CA10: variants seen among roughly 807,000 people sequenced by gnomAD.
The protein encoded by CA10 is carbonic anhydrase 10 (inactive), also known as carbonic anhydrase-related protein 10.
CA10 carries 14 observed loss-of-function variants against 44.2 expected under a neutral mutation model. The ratio of observed to expected loss-of-function variants is 0.32; its 90% CI spans 0.21 to 0.50. The LOEUF is 0.50. CA10 is among the 20% of genes least tolerant of loss of function. CA10 has a pLI of 0.99. For missense variants in CA10, 350 were observed against 409.7 expected, an observed-to-expected ratio of 0.85 and a Z score of 1.26; for synonymous variants, 159 against 141.6, an observed-to-expected ratio of 1.12 and a Z score of -0.87.
chr17:52,155,622 G>A (rs1166246028), intron 1 of CA10, among the ~76,000 whole-genome samples: 1 of 152,166 alleles, frequency 6.6e-6, no homozygotes. Context: ...GCCTTTTAAA[G>A]TTTATGGATG....
chr17:51,909,463 C>T (rs985212918), intron 3 of CA10, among the ~76,000 whole-genome samples: 27 of 152,156 alleles, frequency 1.8e-4, no homozygotes, highest in South Asian at 2.1e-4. Flanking sequence ...AGCTCAGTGT[C>T]CTCTGCTCTT....
chr17:52,060,690 G>A (rs1466875534), intron 2 of CA10, among the ~76,000 whole-genome samples: 1 of 152,116 alleles, frequency 6.6e-6, no homozygotes, highest in Non-Finnish European at 1.5e-5. Flanking sequence ...GATTAATCTG[G>A]CATATAGCCT....
At chr17:51,764,635 G>A (rs1215829775) in intron 3 of CA10, among the ~76,000 whole-genome samples, 2 of 152,176 alleles carry the variant, frequency 1.3e-5, no homozygotes, top group Non-Finnish European at 2.9e-5. Context: ...GTTGTAGGAA[G>A]CTGGCCTATG....
chr17:51,995,946 T>C (rs547797316), intron 2 of CA10, among the ~76,000 whole-genome samples: 91 of 152,168 alleles, frequency 6.0e-4, no homozygotes, highest in African/African-American at 2.0e-3. Context: ...TCATTCTCTC[T>C]GGAGTCTTCA....
intron 3 of CA10, among the ~76,000 whole-genome samples, chr17:51,750,484 A>T (rs1232239426): frequency 6.9e-6 from 1 of 144,160 alleles, no homozygotes; most frequent in Non-Finnish European, 1.5e-5. Flanking sequence ...TGATTGTTGA[A>T]TCTTTACAGC....
At chr17:51,839,319 C>A (rs1287052825) in intron 3 of CA10, among the ~76,000 whole-genome samples, 1 of 151,604 alleles carries the variant, frequency 6.6e-6, no homozygotes, top group Admixed American at 6.6e-5. Flanking sequence ...GGTGAAACCC[C>A]GTCTCTACTT....
At chr17:51,804,656 C>T (rs887586274) in intron 3 of CA10, among the ~76,000 whole-genome samples, 1 of 152,164 alleles carries the variant, frequency 6.6e-6, no homozygotes, top group Non-Finnish European at 1.5e-5. Flanking sequence ...CCAAAGAGAA[C>T]AAATGAATGT....
chr17:51,897,581 G>GT (rs1320244376), intron 3 of CA10, among the ~76,000 whole-genome samples: 2 of 152,032 alleles, frequency 1.3e-5, no homozygotes, highest in African/African-American at 2.4e-5. Context: ...TTTTAAAATG[G>GT]TTTTTTCTAA....
intron 1 of CA10, among the ~76,000 whole-genome samples, chr17:52,109,540 T>C (rs1598219445): frequency 6.6e-6 from 1 of 152,314 alleles, no homozygotes; most frequent in East Asian, 1.9e-4. Context: ...ATTTCCTGGT[T>C]GGGGAATAAA....
At chr17:51,988,462 G>A (rs2040299854) in intron 2 of CA10, among the ~76,000 whole-genome samples, 1 of 151,938 alleles carries the variant, frequency 6.6e-6, no homozygotes, top group African/African-American at 2.4e-5. Flanking sequence ...TAGATGTTGA[G>A]TACCTATAAA....
At chr17:51,886,588 T>G (rs936730528) in intron 3 of CA10, among the ~76,000 whole-genome samples, 5 of 152,186 alleles carry the variant, frequency 3.3e-5, no homozygotes, top group Non-Finnish European at 7.3e-5. Flanking sequence ...GGTCAGCCAT[T>G]GTGTTGGTTA....
chr17:52,092,556 A>G (rs1005152615), intron 1 of CA10, among the ~76,000 whole-genome samples: 2 of 152,064 alleles, frequency 1.3e-5, no homozygotes, highest in Non-Finnish European at 2.9e-5. Context: ...TTCCTAATCC[A>G]TGGGCTGGGA....
At chr17:51,746,015 C>T in intron 4 of CA10, among the ~76,000 whole-genome samples, 1 of 152,214 alleles carries the variant, frequency 6.6e-6, no homozygotes, top group East Asian at 1.9e-4. Context: ...TTGTTGTACT[C>T]TAGTTCAGAA....
intron 2 of CA10, among the ~76,000 whole-genome samples, chr17:51,975,676 C>A (rs1984437964): frequency 6.6e-6 from 1 of 152,016 alleles, no homozygotes; most frequent in Non-Finnish European, 1.5e-5. Context: ...GAGACTGTCT[C>A]AAAAACAAAT....
intron 2 of CA10, among the ~76,000 whole-genome samples, chr17:52,044,833 T>TATC (rs1395212056): frequency 6.6e-6 from 1 of 151,012 alleles, no homozygotes; most frequent in Non-Finnish European, 1.5e-5. Flanking sequence ...TGTGAAACAC[T>TATC]ATCAAGCAAT....
intron 1 of CA10, among the ~76,000 whole-genome samples, chr17:52,084,084 G>A (rs1042104613): frequency 2.6e-5 from 4 of 152,144 alleles, no homozygotes; most frequent in Non-Finnish European, 1.5e-5. Flanking sequence ...GTGAGTCAAA[G>A]TACAGTCACT....
intron 2 of CA10, among the ~76,000 whole-genome samples, chr17:51,980,882 CACAA>C (rs1001972888): frequency 5.3e-5 from 8 of 151,978 alleles, no homozygotes; most frequent in Admixed American, 1.3e-4. Context: ...CCAGTTACTT[CACAA>C]ACAGTTATTT....
chr17:51,826,101 C>T (rs981825524), intron 3 of CA10, among the ~76,000 whole-genome samples: 4 of 152,222 alleles, frequency 2.6e-5, no homozygotes, highest in South Asian at 4.1e-4. Flanking sequence ...AATGGCCTTT[C>T]AGCTCCTGGG....
chr17:52,110,785 C>T (rs1022297071), intron 1 of CA10, among the ~76,000 whole-genome samples: 11 of 152,184 alleles, frequency 7.2e-5, no homozygotes, highest in African/African-American at 2.4e-4. Flanking sequence ...TGGCTATAGG[C>T]TGCCTTCCTT....
Sources: gnomAD v4.1 joint callset for allele counts (sites outside exome capture counted in the v4.1 genomes callset) on GRCh38, gnomAD v4.1.1 for gene constraint, MANE v1.5 for transcripts, NCBI Gene and HGNC (gene_info 2026-07-23, HGNC 2026-07-21) for gene names.